The following ACBD6 variants were observed in gnomAD, a reference collection of about 807,000 sequenced individuals.
ACBD6 encodes the protein acyl-CoA-binding domain-containing protein 6.
Under a neutral mutation model 37.2 loss-of-function variants are expected in ACBD6, and 28 were observed. That is an observed-to-expected ratio of 0.75 (90% CI 0.56 to 1.03). ACBD6 has a LOEUF of 1.03. Ranked by LOEUF, ACBD6 falls within the 50% of genes least tolerant of loss-of-function variation. The probability of loss-of-function intolerance (pLI) is 0.00; values close to 1 mark genes in which losing one functional copy is unlikely to be tolerated. For missense variants in ACBD6, 340 were observed against 337.4 expected, an observed-to-expected ratio of 1.01 and a Z score of -0.06; for synonymous variants, 113 against 126.8, an observed-to-expected ratio of 0.89 and a Z score of 0.73.
chr1:180,365,045 T>A (rs946824619), intron 6 of ACBD6, among the ~76,000 whole-genome samples: 3 of 152,166 alleles, frequency 2.0e-5, no homozygotes, highest in Non-Finnish European at 4.4e-5. Context: ...TTCCTACTTT[T>A]AAGATTTTAC....
At chr1:180,290,948 A>G (rs1438257821) in intron 7 of ACBD6, among the ~76,000 whole-genome samples, 1 of 152,210 alleles carries the variant, frequency 6.6e-6, no homozygotes, top group Non-Finnish European at 1.5e-5. Context: ...ATAATTTGGC[A>G]AGCACCGATC....
At chr1:180,353,895 T>C (rs142914432) in intron 6 of ACBD6, among the ~76,000 whole-genome samples, 16 of 152,232 alleles carry the variant, frequency 1.1e-4, no homozygotes, top group African/African-American at 3.4e-4. Flanking sequence ...TTGTGAGTGT[T>C]TGAAAACATT....
intron 5 of ACBD6, 95 bp downstream of exon 5, chr1:180,413,271 T>C (rs1363272893): frequency 3.4e-6 from 3 of 886,284 alleles, no homozygotes; most frequent in Non-Finnish European, 5.7e-6. Flanking sequence ...ATACTGTACT[T>C]TGAGTTGTAG....
intron 3 of ACBD6, among the ~76,000 whole-genome samples, chr1:180,490,785 C>CAA (rs78365337): frequency 2.0e-4 from 15 of 75,440 alleles, no homozygotes; most frequent in Admixed American, 1.1e-3. Context: ...GACTCTGTCT[C>CAA]AAAAAAAAAA....
chr1:180,347,275 T>C (rs966001304), intron 6 of ACBD6, among the ~76,000 whole-genome samples: 3 of 152,068 alleles, frequency 2.0e-5, no homozygotes, highest in African/African-American at 7.2e-5. Flanking sequence ...ATAAAACTGT[T>C]TGCTTCTATA....
intron 3 of ACBD6, among the ~76,000 whole-genome samples, chr1:180,451,079 T>C (rs1649684429): frequency 6.6e-6 from 1 of 152,162 alleles, no homozygotes; most frequent in African/African-American, 2.4e-5. Flanking sequence ...ATAATGAGAT[T>C]ACAAGCTTAC....
intron 3 of ACBD6, 29 bp from the exon 4 acceptor site, chr1:180,430,291 A>G: frequency 6.4e-7 from 1 of 1,557,622 alleles, no homozygotes; most frequent in Non-Finnish European, 8.8e-7. Context: ...AAAGTGAAAA[A>G]AAGACAAATG....
intron 6 of ACBD6, among the ~76,000 whole-genome samples, chr1:180,389,248 G>C (rs191745763): frequency 6.6e-6 from 1 of 151,960 alleles, no homozygotes; most frequent in Non-Finnish European, 1.5e-5. Context: ...GAGAACATGC[G>C]GAGTTTGGTT....
At chr1:180,349,917 T>C (rs975392532) in intron 6 of ACBD6, among the ~76,000 whole-genome samples, 2 of 151,348 alleles carry the variant, frequency 1.3e-5, no homozygotes, top group Non-Finnish European at 2.9e-5. Flanking sequence ...TTTTTTTCTA[T>C]TTGTATTCTA....
intron 5 of ACBD6, among the ~76,000 whole-genome samples, chr1:180,398,664 C>T (rs7549897): frequency 0.017 from 2,589 of 152,230 alleles, 28 homozygotes; most frequent in Non-Finnish European, 0.025. Flanking sequence ...TTTCTATTCT[C>T]TACTGCCAGA....
intron 2 of ACBD6, among the ~76,000 whole-genome samples, chr1:180,494,508 A>G (rs1229642088): frequency 6.6e-6 from 1 of 152,192 alleles, no homozygotes; most frequent in Non-Finnish European, 1.5e-5. Context: ...GCTGAACTAA[A>G]CAGCGTGGTT....
chr1:180,359,234 T>A (rs1212697329), intron 6 of ACBD6, among the ~76,000 whole-genome samples: 1 of 152,210 alleles, frequency 6.6e-6, no homozygotes, highest in Admixed American at 6.5e-5. Flanking sequence ...GACTGATAAC[T>A]CTTTTAAAAT....
At chr1:180,466,105 T>C (rs1483507202) in intron 3 of ACBD6, among the ~76,000 whole-genome samples, 1 of 152,098 alleles carries the variant, frequency 6.6e-6, no homozygotes, top group African/African-American at 2.4e-5. Flanking sequence ...TATGTGTTTA[T>C]CAATGTAACA....
intron 3 of ACBD6, among the ~76,000 whole-genome samples, chr1:180,464,828 A>G (rs1221760232): frequency 1.3e-5 from 2 of 152,290 alleles, no homozygotes; most frequent in African/African-American, 4.8e-5. Flanking sequence ...GTACTTGTAT[A>G]AAAACAGGCA....
chr1:180,412,840 T>C (rs1314556152), intron 5 of ACBD6, among the ~76,000 whole-genome samples: 1 of 152,174 alleles, frequency 6.6e-6, no homozygotes, highest in East Asian at 1.9e-4. Flanking sequence ...CACTCCAGCC[T>C]GGGCAACAGA....
chr1:180,345,946 A>C (rs544871696), intron 6 of ACBD6, among the ~76,000 whole-genome samples: 1 of 152,182 alleles, frequency 6.6e-6, no homozygotes, highest in African/African-American at 2.4e-5. Flanking sequence ...TTGTTTTACA[A>C]TGTAGCAAAA....
At chr1:180,351,581 C>G in intron 6 of ACBD6, among the ~76,000 whole-genome samples, 1 of 92,650 alleles carries the variant, frequency 1.1e-5, no homozygotes, top group Admixed American at 1.7e-4. Flanking sequence ...CCCGATATTA[C>G]GTTTTTTTTT....
At chr1:180,274,671 G>A (rs1476681003) in exon 10 of ACBD6, 17 of 1,387,836 alleles carry the variant, frequency 1.2e-5, no homozygotes, top group Admixed American at 1.1e-4. Context: ...TCGAAAGTAC[G>A]CCAATGTGAA....
intron 7 of ACBD6, among the ~76,000 whole-genome samples, chr1:180,294,196 T>C (rs1398527248): frequency 6.6e-6 from 1 of 152,084 alleles, no homozygotes; most frequent in Non-Finnish European, 1.5e-5. Context: ...CACCTGGCTT[T>C]CTATTTCTTT....
Sources: allele counts gnomAD v4.1 joint callset (sites outside exome capture counted in the v4.1 genomes callset), GRCh38; gene constraint gnomAD v4.1.1; transcripts MANE v1.5; gene names NCBI Gene and HGNC (gene_info 2026-07-23, HGNC 2026-07-21).